Variants in TIPARP observed in about 807,000 individuals in gnomAD.
TIPARP encodes protein mono-ADP-ribosyltransferase TIPARP.
Under a neutral mutation model 56.5 loss-of-function variants are expected in TIPARP, and 12 were observed. That is an observed-to-expected ratio of 0.21 (90% CI 0.14 to 0.34). The LOEUF (loss-of-function observed/expected upper bound fraction) is 0.34. Among genes scored for constraint, TIPARP ranks in the 10% least tolerant of loss-of-function variants. The pLI is 1.00. For synonymous variants in TIPARP, 296 were observed against 265.7 expected (o/e 1.11, Z -1.11); for missense variants, 604 against 781.6 (o/e 0.77, Z 2.71).
intron 2 of TIPARP, among the ~76,000 whole-genome samples, chr3:156,686,889 A>T (rs982883192): frequency 2.0e-5 from 3 of 152,218 alleles, no homozygotes; most frequent in African/African-American, 7.2e-5. Flanking sequence ...AAAAACGTTT[A>T]TTTTATCCCT....
chr3:156,696,594 AACTC>A (rs1722719965), intron 4 of TIPARP, among the ~76,000 whole-genome samples: 2 of 152,324 alleles, frequency 1.3e-5, no homozygotes, highest in Admixed American at 1.3e-4. Context: ...GTTAGGACTG[AACTC>A]ACTCTTCTGA....
At chr3:156,696,930 A>G (rs1722728426) in intron 4 of TIPARP, among the ~76,000 whole-genome samples, 1 of 152,142 alleles carries the variant, frequency 6.6e-6, no homozygotes, top group Non-Finnish European at 1.5e-5. Context: ...TTTAGCTCAA[A>G]CTGTTTTCCC....
At position 156,678,206 on chromosome 3, in the gene TIPARP, A is replaced by T. The variant is rs765471373; in HGVS notation, c.509A>T (p.Asp170Val). ...QTDLLHPVSS[D>V]VPTSPDCLDK... ...GATCTTTTGCACCCAGTTTCAAGTG[A>T]TGTTCCTACTAGTCCTGACTGCTTA... Residue 170 changes from aspartate (D) to valine (V), a missense_variant, in exon 2 of 6, where the codon GAT becomes GTT. This residue lies in a region of TIPARP where 261 missense variants were observed against 279.2 expected (regional missense o/e 0.93). Transcript: ENST00000295924. 22 of 1,614,132 alleles carry T rather than the reference A, an allele frequency of 1.4e-5. No homozygotes were observed. The South Asian group carries it at 1.9e-4, about 14-fold the overall frequency.
chr3:156,702,368 A>G (rs751741990), intron 4 of TIPARP, among the ~76,000 whole-genome samples: 11 of 152,156 alleles, frequency 7.2e-5, no homozygotes, highest in Admixed American at 1.3e-4. Flanking sequence ...TATTGTGACA[A>G]TTAGTGATAT....
chr3:156,687,464 A>T (rs1722458530), intron 2 of TIPARP, among the ~76,000 whole-genome samples: 1 of 152,250 alleles, frequency 6.6e-6, no homozygotes. Context: ...AAAAGCCAGC[A>T]TAACAATATT....
At chr3:156,684,245 G>C (rs1326991653) in intron 2 of TIPARP, among the ~76,000 whole-genome samples, 3 of 152,194 alleles carry the variant, frequency 2.0e-5, no homozygotes, top group Middle Eastern at 6.8e-3. Context: ...AAGTGAGTTC[G>C]AGAGATTTTG....
At chr3:156,698,989 G>A (rs978425575) in intron 4 of TIPARP, among the ~76,000 whole-genome samples, 5 of 152,204 alleles carry the variant, frequency 3.3e-5, no homozygotes, top group Non-Finnish European at 7.3e-5. Context: ...GACTTCAGTG[G>A]AGGAAGTCAC....
In TIPARP at chr3:156,678,196, G is replaced by C; in HGVS notation, c.499G>C (p.Val167Leu). The change falls in exon 2 of 6, where the codon GTT (valine) becomes CTT (leucine). Residue 167 changes from valine to leucine, a missense_variant. Val to Leu is a conservative substitution (Grantham distance 32). This residue lies in a region of TIPARP where 261 missense variants were observed against 279.2 expected (regional missense o/e 0.93). Coordinates refer to ENST00000295924, the MANE Select transcript of TIPARP (RefSeq NM_015508.5). ...CTTCCAGACTGATCTTTTGCACCCA[G>C]TTTCAAGTGATGTTCCTACTAGTCC... is the stretch of plus-strand genomic sequence containing the variant. ...AHFQTDLLHP[V>L]SSDVPTSPDC... 1 of 1,614,132 alleles carries C rather than the reference G, an allele frequency of 6.2e-7. No homozygotes were observed. Among genetic ancestry groups the C allele is most frequent in the Non-Finnish European group, 8.5e-7 (1 of 1,180,040 alleles).
chr3:156,692,066 ATAT>A (rs1458385101), intron 2 of TIPARP, among the ~76,000 whole-genome samples: 1 of 152,188 alleles, frequency 6.6e-6, no homozygotes, highest in Non-Finnish European at 1.5e-5. Context: ...TTGGCTGTTT[ATAT>A]TATAATGCAT....
chr3:156,694,316 T>C, intron 3 of TIPARP, 128 bp downstream of exon 3: 1 of 754,582 alleles, frequency 1.3e-6, no homozygotes, highest in South Asian at 4.0e-5. Context: ...CTTATGAATA[T>C]AAAATTGAGT....
chr3:156,686,708 ATAAAT>A (rs1435476487), intron 2 of TIPARP, among the ~76,000 whole-genome samples: 3 of 152,342 alleles, frequency 2.0e-5, no homozygotes, highest in Non-Finnish European at 2.9e-5. Context: ...CAAAGCAGAA[ATAAAT>A]TAAGCTAATA....
intron 1 of TIPARP, among the ~76,000 whole-genome samples, chr3:156,677,117 T>C (rs1282544700): frequency 6.6e-6 from 1 of 152,268 alleles, no homozygotes; most frequent in African/African-American, 2.4e-5. Flanking sequence ...AACATTTCAA[T>C]TGAGAGCCCC....
At chr3:156,676,021 A>C (rs1305080148) in intron 1 of TIPARP, among the ~76,000 whole-genome samples, 1 of 152,050 alleles carries the variant, frequency 6.6e-6, no homozygotes, top group Non-Finnish European at 1.5e-5. Flanking sequence ...CATATAAATA[A>C]AATCGATTTA....
intron 2 of TIPARP, among the ~76,000 whole-genome samples, chr3:156,693,165 AAGAAAAGAG>A (rs1283593845): frequency 3.3e-5 from 5 of 152,164 alleles, no homozygotes; most frequent in African/African-American, 1.2e-4. Flanking sequence ...ATACACAAAA[AAGAAAAGAG>A]AGAAGAGTAT....
intron 4 of TIPARP, 70 bp downstream of exon 4, chr3:156,696,095 T>TA (rs1722709358): frequency 1.3e-6 from 2 of 1,510,794 alleles, no homozygotes; most frequent in Admixed American, 2.3e-5. Flanking sequence ...ATACTAGAGA[T>TA]AAAAAATAAA....
In TIPARP at chr3:156,703,637, G is replaced by C. The variant is rs370596394; in HGVS notation, c.1461G>C (p.Glu487Asp). ...ATCTTTTTCATAAGACTGTGCCTGA[G>C]TTTAAATACAGAATTTTGCAGATAT... ...IYNLFHKTVP[E>D]FKYRILQILR... The change falls in exon 5 of 6, where the codon GAG becomes GAC. Residue 487 changes from glutamate to aspartate, a missense_variant. Glu to Asp is a conservative substitution (Grantham distance 45). Transcript: ENST00000295924. 1 of 1,614,138 alleles carries C rather than the reference G, an allele frequency of 6.2e-7. No homozygotes were observed. Among genetic ancestry groups the C allele is most frequent in the Middle Eastern group, 1.7e-4 (1 of 6,046 alleles).
In TIPARP at chr3:156,694,111, A is replaced by G; in HGVS notation, c.1009A>G (p.Ser337Gly). 1 of 1,613,684 alleles carries G rather than the reference A, an allele frequency of 6.2e-7. No homozygotes were observed. The highest frequency in any genetic ancestry group is 8.5e-7 in the Non-Finnish European group (1 of 1,179,770). Residue 337 changes from serine (S) to glycine (G), a missense_variant, in exon 3 of 6, where the codon AGC becomes GGC. Coordinates refer to ENST00000295924, the MANE Select transcript of TIPARP (RefSeq NM_015508.5). Reference protein sequence around the residue: ...QLRRLSTPPSSNVNSIYHTVW... With the variant: ...QLRRLSTPPSGNVNSIYHTVW... ...ACGAAGGCTGTCCACACCACCCTCT[A>G]GCAATGTCAACTCTATTTACCACAC...
At chr3:156,676,137 T>G (rs930122669) in intron 1 of TIPARP, among the ~76,000 whole-genome samples, 21 of 152,240 alleles carry the variant, frequency 1.4e-4, no homozygotes, top group African/African-American at 4.8e-4. Context: ...CCACAATCTG[T>G]GCCAATTGTG....
chr3:156,681,274 G>A (rs973078815), intron 2 of TIPARP: 6 of 447,120 alleles, frequency 1.3e-5, no homozygotes, highest in African/African-American at 6.0e-5. Flanking sequence ...TGCAGATTGC[G>A]CATAACCAGG....
Sources: gnomAD v4.1 joint callset for allele counts (sites outside exome capture counted in the v4.1 genomes callset) on GRCh38, gnomAD v4.1.1 for gene constraint, gnomAD v4.1.1 regional missense constraint, MANE v1.5 for transcripts, NCBI Gene and HGNC (gene_info 2026-07-23, HGNC 2026-07-21) for gene names.